The following TRPM1 variants were observed in gnomAD, a reference collection of about 807,000 sequenced individuals.
TRPM1 encodes the protein transient receptor potential cation channel subfamily M member 1, also known as TRPM1-203 APA Isoform, Intron 10.
A neutral mutation model predicts 149.4 loss-of-function variants in TRPM1; 113 were observed. The ratio of observed to expected loss-of-function variants is 0.76; its 90% CI spans 0.65 to 0.88. TRPM1 has a LOEUF of 0.88. Ranked by LOEUF, TRPM1 falls within the 40% of genes least tolerant of loss-of-function variation. The probability of loss-of-function intolerance (pLI) is 0.00; values close to 1 mark genes in which losing one functional copy is unlikely to be tolerated. For missense variants in TRPM1, 1,976 were observed against 2,038.7 expected, an observed-to-expected ratio of 0.97 and a Z score of 0.59; for synonymous variants, 741 against 759.5, an observed-to-expected ratio of 0.98 and a Z score of 0.40.
chr15:31,083,953 T>C (rs1274587584), intron 1 of TRPM1, among the ~76,000 whole-genome samples: 2 of 152,122 alleles, frequency 1.3e-5, no homozygotes, highest in African/African-American at 4.8e-5. Flanking sequence ...TTGAAACCTA[T>C]TGTCCTCTGC....
chr15:31,090,808 T>C (rs2035215679), intron 1 of TRPM1, among the ~76,000 whole-genome samples: 1 of 152,146 alleles, frequency 6.6e-6, no homozygotes, highest in Non-Finnish European at 1.5e-5. Context: ...AAGGAGAACT[T>C]GGGCTTTAGA....
intron 1 of TRPM1, among the ~76,000 whole-genome samples, chr15:31,120,640 A>G (rs2035862113): frequency 6.6e-6 from 1 of 152,178 alleles, no homozygotes. Context: ...CAAGAAAGAC[A>G]ACATTCTGAG....
At chr15:31,143,438 C>T (rs963827492) in intron 1 of TRPM1, among the ~76,000 whole-genome samples, 2 of 152,114 alleles carry the variant, frequency 1.3e-5, no homozygotes, top group Admixed American at 6.5e-5. Flanking sequence ...CAAAGTCTCC[C>T]TCTGCTGCCC....
intron 1 of TRPM1, among the ~76,000 whole-genome samples, chr15:31,139,855 A>G (rs2036136713): frequency 6.6e-6 from 1 of 152,230 alleles, no homozygotes; most frequent in African/African-American, 2.4e-5. Context: ...AATTATGTGG[A>G]TGTAAATGGG....
At chr15:31,081,648 C>T (rs1254875524) in intron 1 of TRPM1, among the ~76,000 whole-genome samples, 2 of 152,160 alleles carry the variant, frequency 1.3e-5, no homozygotes, top group Admixed American at 1.3e-4. Context: ...CCCTCCTCCC[C>T]AACCTCGCAC....
chr15:31,080,494 T>A (rs1256897968), intron 2 of TRPM1, among the ~76,000 whole-genome samples: 3 of 152,108 alleles, frequency 2.0e-5, no homozygotes, highest in Admixed American at 2.0e-4. Context: ...CTGAGGGCCA[T>A]CCTACGAAAT....
At chr15:31,043,586 T>TA (rs2033683507) in intron 16 of TRPM1, among the ~76,000 whole-genome samples, 1 of 152,236 alleles carries the variant, frequency 6.6e-6, no homozygotes, top group Non-Finnish European at 1.5e-5. Flanking sequence ...ATCTTTGTTC[T>TA]AATTTTCTAA....
At chr15:31,081,565 T>C (rs1355965261) in intron 1 of TRPM1, 127 bp from the exon 2 acceptor site, 3 of 635,156 alleles carry the variant, frequency 4.7e-6, no homozygotes, top group Non-Finnish European at 8.2e-6. Context: ...TCACCAGGGC[T>C]CCCTGACTCC....
chr15:31,021,384 G>A (rs1405910519), intron 27 of TRPM1, among the ~76,000 whole-genome samples: 2 of 152,170 alleles, frequency 1.3e-5, no homozygotes, highest in South Asian at 4.1e-4. Flanking sequence ...ACAAATTGCT[G>A]ATTTCCCATC....
intron 27 of TRPM1, among the ~76,000 whole-genome samples, chr15:31,011,492 G>GA (rs1407295078): frequency 6.6e-6 from 1 of 152,074 alleles, no homozygotes; most frequent in Non-Finnish European, 1.5e-5. Flanking sequence ...CTGGGCTTAA[G>GA]TGATCTTCCT....
Position 31,032,995 on chromosome 15 carries a change from C to T in TRPM1, c.2701-55G>A. The T allele has an allele frequency of 7.5e-6, 12 of 1,610,188 alleles. No individual in the cohort carries two copies. In the South Asian group the frequency reaches 1.3e-4, roughly 18 times the overall value. ...TGAGATGCCGTATTAGAAGTCTTGT[C>T]TTAGAATCTTGGAACAATAAGACTG... On this transcript the variant is annotated intron_variant, in intron 21 of 27. Transcript: ENST00000256552.
chr15:31,001,942 C>A lies in TRPM1; in HGVS notation c.4758G>T (p.Gln1586His). Residue 1586 changes from glutamine to histidine, a missense_variant, in exon 28 of 28, where the codon CAG (glutamine) becomes CAT (histidine). Physicochemically the swap from Gln to His is conservative, Grantham distance 24. Around this residue, in one of 3 missense-constraint regions of TRPM1, gnomAD observed 572 missense variants for 578.9 expected, o/e 0.99. Transcript: ENST00000256552. ...HGHPRNVKSIQGKLDRSGHAS... is the reference protein window; with the variant it reads ...HGHPRNVKSIHGKLDRSGHAS... ...CATGTCCAGATCTGTCTAACTTTCC[C>A]TGAATGGATTTCACATTCCTAGGAT... 6.2e-7 allele frequency: 1 copy of A among 1,614,156 alleles called. No individual in the cohort carries two copies. Among genetic ancestry groups the A allele is most frequent in the East Asian group, 2.2e-5 (1 of 44,886 alleles).
chr15:31,137,088 T>C (rs1191517021), intron 1 of TRPM1, among the ~76,000 whole-genome samples: 1 of 152,146 alleles, frequency 6.6e-6, no homozygotes, highest in East Asian at 1.9e-4. Flanking sequence ...GCATTTGGAG[T>C]ACCAAGGTTA....
Position 31,042,252 on chromosome 15 carries a change from A to C in TRPM1, c.1795-9T>G, listed in dbSNP as rs1567013891. The C allele has an allele frequency of 6.4e-7, 1 of 1,560,876 alleles. No homozygotes were observed. The highest frequency in any genetic ancestry group is 8.7e-7 in the Non-Finnish European group (1 of 1,152,594). On this transcript the variant is annotated splice_polypyrimidine_tract_variant and intron_variant, in intron 16 of 27. Coordinates refer to ENST00000256552, the MANE Select transcript of TRPM1 (RefSeq NM_001252024.2). The stretch of plus-strand genomic sequence containing the variant: ...GCTGGAGGCTCATCATCCTGAGGGG[A>C]GAAACATGGATTTCATGGTTTTGCC...
chr15:31,013,373 A>T (rs1566988581), intron 27 of TRPM1, among the ~76,000 whole-genome samples: 1 of 151,866 alleles, frequency 6.6e-6, no homozygotes, highest in Non-Finnish European at 1.5e-5. Flanking sequence ...CTACTACTTG[A>T]TATAATTTCC....
intron 15 of TRPM1, among the ~76,000 whole-genome samples, chr15:31,046,762 G>T (rs1311317574): frequency 1.3e-5 from 2 of 152,222 alleles, no homozygotes; most frequent in Non-Finnish European, 2.9e-5. Flanking sequence ...GCTCTGGGAG[G>T]CTTGAAGCAG....
chr15:31,067,854 C>T (rs745408311), intron 5 of TRPM1, 25 bp downstream of exon 5: 35 of 1,609,956 alleles, frequency 2.2e-5, no homozygotes, highest in Admixed American at 1.7e-4. Context: ...CATTGATTAT[C>T]GGGAGGGAAA....
rs1567037814 is a variant in TRPM1 at position 31,076,983 on chromosome 15, C to A, written c.5G>T (p.Gly2Val). ...GGTTTTCTCTATCCAAGATTTCTGACCCTGGAAGAGAGAGAGAAGTGGATA... is the reference window on the plus strand; with the variant it reads ...GGTTTTCTCTATCCAAGATTTCTGAACCTGGAAGAGAGAGAGAAGTGGATA... M[G>V]QKSWIEKTFC... The change falls in exon 3 of 28, where the codon GGT (glycine) becomes GTT (valine). Residue 2 changes from glycine (G) to valine (V), a missense_variant and splice_region_variant. Coordinates refer to ENST00000256552, the MANE Select transcript of TRPM1 (RefSeq NM_001252024.2). 2 of 1,608,898 alleles carry A rather than the reference C, an allele frequency of 1.2e-6. No homozygotes were observed. The highest frequency in any genetic ancestry group is 1.7e-5 in the Admixed American group (1 of 60,006).
chr15:31,090,848 T>C (rs2035216992), intron 1 of TRPM1, among the ~76,000 whole-genome samples: 1 of 152,150 alleles, frequency 6.6e-6, no homozygotes, highest in Non-Finnish European at 1.5e-5. Context: ...AGATCCACCA[T>C]TTCTTATCTT....
Sources: gnomAD v4.1 joint callset for allele counts (sites outside exome capture counted in the v4.1 genomes callset) on GRCh38, gnomAD v4.1.1 for gene constraint, gnomAD v4.1.1 regional missense constraint, MANE v1.5 for transcripts, NCBI Gene and HGNC (gene_info 2026-07-23, HGNC 2026-07-21) for gene names.